SBF1: variants seen among roughly 807,000 people sequenced by gnomAD.
SBF1 encodes the protein SET binding factor 1, also known as myotubularin-related protein 5.
SBF1 carries 65 observed loss-of-function variants against 215.8 expected under a neutral mutation model. That is an observed-to-expected ratio of 0.30 (90% confidence interval 0.25 to 0.37). The LOEUF is 0.37. SBF1 is among the 10% of genes least tolerant of loss of function. The pLI is 1.00. For missense variants in SBF1, 2,634 were observed against 2,667.8 expected, an observed-to-expected ratio of 0.99 and a Z score of 0.28; for synonymous variants, 1,410 against 1,122.8, an observed-to-expected ratio of 1.26 and a Z score of -5.11.
chr22:50,457,466 G>A (rs1420955723), intron 28 of SBF1: 1 of 252,222 alleles, frequency 4.0e-6, no homozygotes, highest in Non-Finnish European at 7.6e-6. Context: ...AGGGGGCCAG[G>A]GCTTGTGATG....
chr22:50,451,330 GCAAGACCCTGTCT>G (rs2067039242), intron 36 of SBF1, among the ~76,000 whole-genome samples: 1 of 152,146 alleles, frequency 6.6e-6, no homozygotes, highest in Non-Finnish European at 1.5e-5. Context: ...GGGCAACAGA[GCAAGACCCTGTCT>G]CAAGAAATTA....
At chr22:50,470,383 C>G (rs999913097) in intron 1 of SBF1, among the ~76,000 whole-genome samples, 2 of 152,172 alleles carry the variant, frequency 1.3e-5, no homozygotes, top group South Asian at 2.1e-4. Context: ...CTCCACCCCC[C>G]GCTAGTCTTG....
At position 50,454,714 on chromosome 22, in the gene SBF1, T is replaced by C. The variant is rs773366726; in HGVS notation, c.4841A>G (p.Asn1614Ser). ...AGTGTAGAAGTCCCACACCTTCAGGTTGGACACGTTGCTGTAGGGCCGCAG... is the reference window on the plus strand; with the variant it reads ...AGTGTAGAAGTCCCACACCTTCAGGCTGGACACGTTGCTGTAGGGCCGCAG... Reference protein sequence around the residue: ...EVLRPYSNVSNLKVWDFYTEE... With the variant: ...EVLRPYSNVSSLKVWDFYTEE... Residue 1614 changes from asparagine to serine, a missense_variant, in exon 36 of 41, where the codon AAC (asparagine) becomes AGC (serine). Coordinates refer to ENST00000380817, the MANE Select transcript of SBF1 (RefSeq NM_002972.4). 9.6e-6 allele frequency: 15 copies of C among 1,567,726 alleles called. No homozygotes were observed. Among genetic ancestry groups the C allele is most frequent in the Admixed American group, 7.6e-5 (4 of 52,742 alleles).
At chr22:50,462,745 T>C in intron 17 of SBF1, 28 bp from the exon 18 acceptor site, 1 of 1,610,002 alleles carries the variant, frequency 6.2e-7, no homozygotes, top group African/African-American at 1.3e-5. Flanking sequence ...GAAGGTCAGC[T>C]GGATGCAGCC....
intron 1 of SBF1, 103 bp downstream of exon 1, chr22:50,474,683 C>T (rs1603436111): frequency 5.1e-6 from 5 of 982,034 alleles, no homozygotes; most frequent in Non-Finnish European, 7.1e-6. Flanking sequence ...CAGCCCCCAG[C>T]CCTCGGCCCC....
intron 1 of SBF1, among the ~76,000 whole-genome samples, chr22:50,469,995 T>TC (rs1306928548): frequency 2.0e-5 from 3 of 151,534 alleles, no homozygotes; most frequent in African/African-American, 7.3e-5. Flanking sequence ...CCTGCTCCCC[T>TC]CCCCCTCCCA....
chr22:50,451,480 CAG>C (rs755946822), intron 36 of SBF1, among the ~76,000 whole-genome samples: 3 of 152,120 alleles, frequency 2.0e-5, no homozygotes, highest in African/African-American at 2.4e-5. Context: ...AAAAAACAAA[CAG>C]AGCTTCAGCA....
chr22:50,460,302 G>C lies in SBF1; in HGVS notation c.3253C>G (p.Pro1085Ala). ...PPSWEHRGQP[P>A]PEDQEDEISV... ...ATCTCGTCCTCCTGGTCCTCAGGGG[G>C]CGGCTGGCCCCGGTGCTCCCAGCTG... Residue 1085 changes from proline to alanine, a missense_variant, in exon 25 of 41, where the codon CCC becomes GCC. Pro to Ala is a conservative substitution (Grantham distance 27). Transcript: ENST00000380817. 6.2e-7 allele frequency: 1 copy of C among 1,610,752 alleles called. No individual in the cohort carries two copies. The highest frequency in any genetic ancestry group is 1.1e-5 in the South Asian group (1 of 90,768).
intron 36 of SBF1, among the ~76,000 whole-genome samples, chr22:50,450,246 A>C (rs2066994949): frequency 6.6e-6 from 1 of 152,198 alleles, no homozygotes; most frequent in African/African-American, 2.4e-5. Flanking sequence ...TGACGCCGGC[A>C]GCAGTGGCTC....
In SBF1 at chr22:50,454,906, C is replaced by A; in HGVS notation, c.4720G>T (p.Val1574Leu). 6.2e-7 allele frequency: 1 copy of A among 1,614,074 alleles called. No homozygotes were observed. Among genetic ancestry groups the A allele is most frequent in the South Asian group, 1.1e-5 (1 of 91,080 alleles). The change falls in exon 35 of 41, where the codon GTG becomes TTG. Residue 1574 changes from valine (V) to leucine (L), a missense_variant. Coordinates refer to ENST00000380817, the MANE Select transcript of SBF1 (RefSeq NM_002972.4). The part of the protein sequence containing the change: ...YEEKGERRGQ[V>L]PCRSVWEYVD... ...TACTCCCACACAGACCTGCACGGCA[C>A]CTGGCCCCTGCGTTCCCCCTTCTCC...
At chr22:50,457,156 G>A (rs2067288111) in intron 28 of SBF1, 45 bp from the exon 29 acceptor site, 4 of 1,418,948 alleles carry the variant, frequency 2.8e-6, no homozygotes, top group Non-Finnish European at 3.7e-6. Flanking sequence ...CCCCAGGCCT[G>A]GGCGTGCCCA....
chr22:50,469,116 G>A (rs1437105260), intron 1 of SBF1, among the ~76,000 whole-genome samples: 2 of 152,234 alleles, frequency 1.3e-5, no homozygotes, highest in African/African-American at 2.4e-5. Flanking sequence ...CAGCTAGACG[G>A]GAAGGATGGA....
Position 50,446,707 on chromosome 22 carries a change from C to T in SBF1, c.*435G>A. 1 of 409,058 alleles carries T rather than the reference C, an allele frequency of 2.4e-6. No individual in the cohort carries two copies. The allele number at this position is 409,058 out of a possible 1,614,324, so 25.3% of individuals were successfully genotyped here. A position where few individuals can be genotyped will look rare whatever the true frequency, so the allele number is the denominator to read the frequency against. On this transcript the variant is annotated 3_prime_UTR_variant, in exon 41 of 41. Coordinates refer to ENST00000380817, the MANE Select transcript of SBF1 (RefSeq NM_002972.4). ...CCAGGAGAGGCTCACGAGAAAGATG[C>T]CAACCTCCCGCCAGGTGGGCCTGGA...
intron 38 of SBF1, 147 bp downstream of exon 38, chr22:50,448,086 A>G: frequency 1.4e-6 from 1 of 726,714 alleles, no homozygotes; most frequent in Non-Finnish European, 2.3e-6. Context: ...TGTGGTCACC[A>G]GTTCGACACC....
intron 23 of SBF1, 142 bp from the exon 24 acceptor site, chr22:50,460,854 C>T (rs1603432567): frequency 1.0e-6 from 1 of 999,048 alleles, no homozygotes; most frequent in Non-Finnish European, 1.5e-6. Flanking sequence ...ATCTGTGTCA[C>T]ACGAAGGCAA....
chr22:50,469,941 G>A (rs1603434983), intron 1 of SBF1, among the ~76,000 whole-genome samples: 1 of 152,316 alleles, frequency 6.6e-6, no homozygotes, highest in Non-Finnish European at 1.5e-5. Flanking sequence ...GTGGGAGATG[G>A]TGGGGCGGTG....
At position 50,462,971 on chromosome 22, in the gene SBF1, T is replaced by C. The variant is rs747452627; in HGVS notation, c.1900-33A>G. The stretch of plus-strand genomic sequence containing the variant: ...TAGAGCGAGAGACCGTCAGGACCTC[T>C]CCCCTCCCAGGCAGCACTCACCTCC... On this transcript the variant is annotated intron_variant, in intron 16 of 40. Coordinates refer to ENST00000380817, the MANE Select transcript of SBF1 (RefSeq NM_002972.4). 2.5e-6 allele frequency: 4 copies of C among 1,587,542 alleles called. No homozygotes were observed. In the Admixed American group the frequency reaches 7.1e-5, roughly 28 times the overall value.
chr22:50,456,563 G>A lies in SBF1; in HGVS notation c.4015C>T (p.Pro1339Ser), dbSNP rs1603431417. Reference protein sequence around the residue: ...ALAPPQANGGPPDPGFLRPQR... With the variant: ...ALAPPQANGGSPDPGFLRPQR... The stretch of plus-strand genomic sequence containing the variant: ...GGACGCAGGAAGCCCGGGTCGGGAG[G>A]GCCCCCGTTGGCCTGGGGTGGGGCC... The change falls in exon 30 of 41, where the codon CCT becomes TCT. Residue 1339 changes from proline to serine, a missense_variant. Pro to Ser is a moderately conservative substitution (Grantham distance 74). Coordinates refer to ENST00000380817, the MANE Select transcript of SBF1 (RefSeq NM_002972.4). The A allele has an allele frequency of 6.4e-7, 1 of 1,573,868 alleles. No homozygotes were observed. The highest frequency in any genetic ancestry group is 2.3e-5 in the East Asian group (1 of 43,832).
chr22:50,474,411 G>A (rs2068100662), intron 1 of SBF1, among the ~76,000 whole-genome samples: 1 of 152,224 alleles, frequency 6.6e-6, no homozygotes, highest in African/African-American at 2.4e-5. Flanking sequence ...AGCTGGCCAA[G>A]GAGAGAGCCC....
Sources: allele counts gnomAD v4.1 joint callset (sites outside exome capture counted in the v4.1 genomes callset), GRCh38; gene constraint gnomAD v4.1.1; transcripts MANE v1.5; gene names NCBI Gene and HGNC (gene_info 2026-07-23, HGNC 2026-07-21).